Variants in PTPRT observed in about 807,000 individuals in gnomAD.
The protein encoded by PTPRT is protein tyrosine phosphatase receptor type T.
A neutral mutation model predicts 176.8 loss-of-function variants in PTPRT; 56 were observed. That is an observed-to-expected ratio of 0.32 (90% CI 0.26 to 0.40). The LOEUF is 0.40. Among genes scored for constraint, PTPRT ranks in the 10% least tolerant of loss-of-function variants. The pLI, the probability that PTPRT is intolerant of heterozygous loss-of-function variation, is 1.00. For synonymous variants in PTPRT, 783 were observed against 739.0 expected, an observed-to-expected ratio of 1.06 and a Z score of -0.96; for missense variants, 1,540 against 1,908.2, an observed-to-expected ratio of 0.81 and a Z score of 3.60.
intron 7 of PTPRT, among the ~76,000 whole-genome samples, chr20:42,483,982 C>A (rs955368529): frequency 6.6e-6 from 1 of 152,234 alleles, no homozygotes; most frequent in Non-Finnish European, 1.5e-5. Flanking sequence ...GCATTTGGAT[C>A]TAGCTTGCAG....
At chr20:42,813,908 T>C (rs1511483) in intron 2 of PTPRT, among the ~76,000 whole-genome samples, 12,698 of 152,180 alleles carry the variant, frequency 0.083, 640 homozygotes, top group Admixed American at 0.15. Flanking sequence ...AAGACAGTCC[T>C]GAAGATTTTG....
At chr20:42,943,503 G>A (rs1275726039) in intron 1 of PTPRT, among the ~76,000 whole-genome samples, 1 of 152,110 alleles carries the variant, frequency 6.6e-6, no homozygotes, top group African/African-American at 2.4e-5. Context: ...TGCCAGGCAT[G>A]AGCAGCAGCA....
chr20:42,535,027 G>C (rs1204051595), intron 7 of PTPRT, among the ~76,000 whole-genome samples: 1 of 152,160 alleles, frequency 6.6e-6, no homozygotes, highest in Non-Finnish European at 1.5e-5. Flanking sequence ...ATGCGGATAA[G>C]AAACAGAGGG....
chr20:42,519,037 C>G (rs2072121516), intron 7 of PTPRT, among the ~76,000 whole-genome samples: 1 of 152,052 alleles, frequency 6.6e-6, no homozygotes, highest in South Asian at 2.1e-4. Flanking sequence ...ATGTCCTGAT[C>G]GAGTTCTTCA....
chr20:42,480,222 A>T (rs533795433), intron 7 of PTPRT, among the ~76,000 whole-genome samples: 1 of 152,338 alleles, frequency 6.6e-6, no homozygotes, highest in African/African-American at 2.4e-5. Context: ...CATGTAGGAA[A>T]CGTAGATGAT....
chr20:42,560,214 C>A (rs1253849805), intron 7 of PTPRT, among the ~76,000 whole-genome samples: 1 of 152,148 alleles, frequency 6.6e-6, no homozygotes, highest in Non-Finnish European at 1.5e-5. Context: ...CCTCAATGGG[C>A]TCTTGGTTTC....
chr20:42,711,835 C>T (rs1018121975), intron 6 of PTPRT, among the ~76,000 whole-genome samples: 3 of 151,570 alleles, frequency 2.0e-5, no homozygotes, highest in Non-Finnish European at 4.4e-5. Context: ...TACTCTCCCC[C>T]TCTAACAAGT....
intron 2 of PTPRT, among the ~76,000 whole-genome samples, chr20:42,878,157 C>A (rs903856392): frequency 6.6e-6 from 1 of 152,078 alleles, no homozygotes; most frequent in African/African-American, 2.4e-5. Flanking sequence ...GAATACTCAC[C>A]GCAACATGAT....
At chr20:42,122,934 T>C (rs370000684) in intron 19 of PTPRT, among the ~76,000 whole-genome samples, 2 of 152,212 alleles carry the variant, frequency 1.3e-5, no homozygotes, top group African/African-American at 4.8e-5. Context: ...TCTTGAAATA[T>C]GCTCTCCTCT....
At chr20:43,039,902 G>T (rs1213843152) in intron 1 of PTPRT, among the ~76,000 whole-genome samples, 1 of 152,056 alleles carries the variant, frequency 6.6e-6, no homozygotes, top group Admixed American at 6.6e-5. Context: ...TTAGCCAGCT[G>T]CAGTGGCATG....
chr20:43,026,591 A>T (rs1218979279), intron 1 of PTPRT, among the ~76,000 whole-genome samples: 1 of 152,190 alleles, frequency 6.6e-6, no homozygotes, highest in African/African-American at 2.4e-5. Flanking sequence ...CCTTTGTGTT[A>T]CAAAGAATCC....
chr20:42,639,941 T>TC (rs1201902461), intron 7 of PTPRT, among the ~76,000 whole-genome samples: 2 of 151,896 alleles, frequency 1.3e-5, no homozygotes, highest in Non-Finnish European at 1.5e-5. Flanking sequence ...AAAATCCCTC[T>TC]CCCCCCAACC....
chr20:42,315,120 G>A (rs1473409740), intron 12 of PTPRT, among the ~76,000 whole-genome samples: 1 of 76,570 alleles, frequency 1.3e-5, no homozygotes, highest in Non-Finnish European at 3.1e-5. Context: ...GGAGCTTGCA[G>A]TGAGCCGAGA....
chr20:42,315,690 G>A (rs1377283366), intron 12 of PTPRT, 33 bp downstream of exon 12: 2 of 1,599,028 alleles, frequency 1.3e-6, no homozygotes, highest in Non-Finnish European at 1.7e-6. Flanking sequence ...ATGCAAACAA[G>A]GCAAGGAATG....
At chr20:42,521,950 G>A (rs889727954) in intron 7 of PTPRT, among the ~76,000 whole-genome samples, 3 of 151,902 alleles carry the variant, frequency 2.0e-5, no homozygotes, top group Non-Finnish European at 4.4e-5. Flanking sequence ...CTCAGTGTTG[G>A]CAATCCAGGT....
intron 1 of PTPRT, among the ~76,000 whole-genome samples, chr20:42,888,376 C>T (rs1013951653): frequency 2.0e-5 from 3 of 152,186 alleles, no homozygotes; most frequent in Non-Finnish European, 4.4e-5. Context: ...AGCATATTCT[C>T]CCAAGCATTT....
intron 1 of PTPRT, among the ~76,000 whole-genome samples, chr20:43,062,868 T>C (rs575804536): frequency 1.3e-5 from 2 of 152,326 alleles, no homozygotes; most frequent in South Asian, 2.1e-4. Flanking sequence ...TCTAATCCCT[T>C]TGTATTACTT....
At chr20:42,143,481 C>T (rs530219587) in intron 17 of PTPRT, among the ~76,000 whole-genome samples, 25 of 150,274 alleles carry the variant, frequency 1.7e-4, no homozygotes, top group Admixed American at 6.7e-4. Context: ...GGCGTGAACC[C>T]GGGAAGCGGA....
chr20:43,049,179 C>G (rs1013952917), intron 1 of PTPRT, among the ~76,000 whole-genome samples: 1 of 152,250 alleles, frequency 6.6e-6, no homozygotes, highest in Admixed American at 6.5e-5. Flanking sequence ...GGTGGTAGAG[C>G]AGATTGTGGA....
Sources: allele counts gnomAD v4.1 joint callset (sites outside exome capture counted in the v4.1 genomes callset), GRCh38; gene constraint gnomAD v4.1.1; transcripts MANE v1.5; gene names NCBI Gene and HGNC (gene_info 2026-07-23, HGNC 2026-07-21).